DNAJC11: variants seen among roughly 807,000 people sequenced by gnomAD.
The protein encoded by DNAJC11 is DnaJ heat shock protein family (Hsp40) member C11.
DNAJC11 carries 15 observed loss-of-function variants against 78.6 expected under a neutral mutation model. The observed-to-expected ratio is 0.19, with a 90% confidence interval of 0.13 to 0.29. The LOEUF is 0.29. Ranked by LOEUF, DNAJC11 falls within the 10% of genes least tolerant of loss-of-function variation. The probability of loss-of-function intolerance (pLI) is 1.00; values close to 1 mark genes in which losing one functional copy is unlikely to be tolerated. For synonymous variants in DNAJC11, 292 were observed against 272.1 expected (o/e 1.07, Z -0.72); for missense variants, 547 against 709.6 (o/e 0.77, Z 2.60).
intron 1 of DNAJC11, among the ~76,000 whole-genome samples, chr1:6,700,960 A>G (rs980599587): frequency 6.6e-6 from 1 of 152,098 alleles, no homozygotes; most frequent in Non-Finnish European, 1.5e-5. Context: ...AGAACAAAGG[A>G]GTGTAGTGGG....
rs576140655 is a variant in DNAJC11 at position 6,651,486 on chromosome 1, C to A, written c.704+43G>T. On this transcript the variant is annotated intron_variant, in intron 7 of 15. Coordinates refer to ENST00000377577, the MANE Select transcript of DNAJC11 (RefSeq NM_018198.4). ...AACACACAGTTCTAGTCTCCTAAGC[C>A]AACAAAGACCACCAAAGAGGAGCTG... The A allele has an allele frequency of 2.2e-5, 34 of 1,562,288 alleles. 1 individual carries two copies. The South Asian group carries it at 3.8e-4, about 18-fold the overall frequency.
At chr1:6,641,841 A>G (rs985049261) in intron 10 of DNAJC11, among the ~76,000 whole-genome samples, 4 of 152,158 alleles carry the variant, frequency 2.6e-5, no homozygotes, top group African/African-American at 9.7e-5. Context: ...TGCGGGTGAG[A>G]ATAAAATGGA....
At chr1:6,666,385 C>CTTTTTTTTT (rs767579276) in intron 4 of DNAJC11, among the ~76,000 whole-genome samples, 141 of 120,562 alleles carry the variant, frequency 1.2e-3, no homozygotes, top group East Asian at 3.2e-3. Flanking sequence ...TCTTTCTTTT[C>CTTTTTTTTT]TTTTTTTTTT....
intron 12 of DNAJC11, 122 bp downstream of exon 12, chr1:6,638,173 C>CT (rs1641815773): frequency 3.2e-6 from 3 of 941,418 alleles, no homozygotes; most frequent in East Asian, 5.2e-5. Context: ...ACAATAAAGA[C>CT]TAAGTGGAGA....
In DNAJC11 at chr1:6,634,517, C is replaced by A; in HGVS notation, c.*1158G>T. On this transcript the variant is annotated 3_prime_UTR_variant, in exon 16 of 16. Transcript: ENST00000377577. ...CCGGCGCAGCTTGGGGCCCCCCGCG[C>A]CAGCTGTCTCAGCCACCACCTGTGC... The A allele has an allele frequency of 7.4e-7, 1 of 1,357,158 alleles. No individual in the cohort carries two copies. The allele number at this position is 1,357,158 out of a possible 1,614,324, so 84.1% of individuals were successfully genotyped here. A position where few individuals can be genotyped will look rare whatever the true frequency, so the allele number is the denominator to read the frequency against.
chr1:6,646,110 A>G, intron 7 of DNAJC11, 132 bp from the exon 8 acceptor site: 1 of 878,102 alleles, frequency 1.1e-6, no homozygotes, highest in Non-Finnish European at 1.7e-6. Context: ...CCCAGTAAAA[A>G]AAAAAGCAGG....
intron 1 of DNAJC11, among the ~76,000 whole-genome samples, chr1:6,699,884 A>G (rs1642897723): frequency 6.6e-6 from 1 of 152,246 alleles, no homozygotes; most frequent in African/African-American, 2.4e-5. Flanking sequence ...ACATTCTCAT[A>G]GTACAGTGGC....
intron 4 of DNAJC11, among the ~76,000 whole-genome samples, chr1:6,654,897 C>G (rs550467382): frequency 6.6e-6 from 1 of 152,052 alleles, no homozygotes; most frequent in East Asian, 1.9e-4. Context: ...CTCCTGGGTT[C>G]AAGCGATTCT....
intron 7 of DNAJC11, among the ~76,000 whole-genome samples, chr1:6,646,870 C>G (rs2148730876): frequency 6.6e-6 from 1 of 152,098 alleles, no homozygotes; most frequent in Admixed American, 6.6e-5. Context: ...ATTAAAATAA[C>G]AGTAGGCAGG....
intron 4 of DNAJC11, among the ~76,000 whole-genome samples, chr1:6,663,784 C>T (rs1243178588): frequency 1.3e-5 from 2 of 152,188 alleles, no homozygotes; most frequent in African/African-American, 2.4e-5. Flanking sequence ...TTTACTCCCA[C>T]AGGGCAAAGC....
At chr1:6,666,540 T>A (rs1406460761) in intron 4 of DNAJC11, among the ~76,000 whole-genome samples, 1 of 151,808 alleles carries the variant, frequency 6.6e-6, no homozygotes, top group African/African-American at 2.4e-5. Context: ...GGGAGGCTGG[T>A]GGCCATGCAC....
chr1:6,656,965 T>C (rs1642136294), intron 4 of DNAJC11, among the ~76,000 whole-genome samples: 2 of 152,094 alleles, frequency 1.3e-5, no homozygotes, highest in African/African-American at 2.4e-5. Context: ...ATAAAGATGG[T>C]AGGCAATGTT....
chr1:6,676,418 A>C (rs1642462873), intron 3 of DNAJC11, among the ~76,000 whole-genome samples: 1 of 152,154 alleles, frequency 6.6e-6, no homozygotes, highest in African/African-American at 2.4e-5. Flanking sequence ...GGTGGCTCAC[A>C]CCTGTAATCC....
chr1:6,652,986 A>G (rs1317952908), intron 5 of DNAJC11, 35 bp from the exon 6 acceptor site: 1 of 1,613,192 alleles, frequency 6.2e-7, no homozygotes, highest in East Asian at 2.2e-5. Flanking sequence ...GAATGAATCA[A>G]AACAACAGGA....
intron 1 of DNAJC11, among the ~76,000 whole-genome samples, chr1:6,701,339 G>C (rs1464061515): frequency 2.6e-5 from 4 of 152,302 alleles, no homozygotes; most frequent in Non-Finnish European, 5.9e-5. Flanking sequence ...CTGGCGGCGG[G>C]CGATGACACA....
At position 6,652,460 on chromosome 1, in the gene DNAJC11, T is replaced by C. The variant is rs1178352539; in HGVS notation, c.630+369A>G. ...TTTATTTATTTTTGAGACGGAATTT[T>C]GCTCTTGTCCCCCAGACTGGAGTGC... On this transcript the variant is annotated intron_variant, in intron 6 of 15. Transcript: ENST00000377577. Among the ~76,000 whole-genome samples the C allele has an allele frequency of 2.0e-5, 3 of 152,172 alleles. No homozygotes were observed. The East Asian group carries it at 5.8e-4, about 29-fold the overall frequency.
intron 10 of DNAJC11, among the ~76,000 whole-genome samples, chr1:6,642,633 A>G (rs1021766352): frequency 6.6e-6 from 1 of 152,150 alleles, no homozygotes; most frequent in African/African-American, 2.4e-5. Flanking sequence ...TGAAGCCAGG[A>G]GTTCAAAACC....
At chr1:6,689,368 A>G (rs1466332262) in intron 1 of DNAJC11, among the ~76,000 whole-genome samples, 1 of 152,226 alleles carries the variant, frequency 6.6e-6, no homozygotes, top group Non-Finnish European at 1.5e-5. Context: ...AAAAGAATCA[A>G]TGAGCATTCC....
At chr1:6,639,872 T>C in intron 11 of DNAJC11, 30 bp downstream of exon 11, 2 of 1,605,280 alleles carry the variant, frequency 1.2e-6, no homozygotes, top group African/African-American at 1.3e-5. Flanking sequence ...CAGGGCTGGC[T>C]AGTGACATGC....
Sources: allele counts gnomAD v4.1 joint callset (sites outside exome capture counted in the v4.1 genomes callset), GRCh38; gene constraint gnomAD v4.1.1; transcripts MANE v1.5; gene names NCBI Gene and HGNC (gene_info 2026-07-23, HGNC 2026-07-21).